The following RALYL variants were observed in gnomAD, a reference collection of about 807,000 sequenced individuals.
The protein encoded by RALYL is RNA-binding Raly-like protein.
In RALYL, 29 loss-of-function variants were observed where a neutral mutation model predicts 35.1. The observed-to-expected ratio is 0.83, with a 90% confidence interval of 0.61 to 1.13. The LOEUF is 1.13. Ranked by LOEUF, RALYL falls within the 50% of genes most tolerant of loss-of-function variation. The pLI is 0.00. For synonymous variants in RALYL, 120 were observed against 127.6 expected, an observed-to-expected ratio of 0.94 and a Z score of 0.40; for missense variants, 359 against 360.4, an observed-to-expected ratio of 1.00 and a Z score of 0.03.
chr8:84,343,893 T>TTGTTTG lies in RALYL; in HGVS notation c.-24+159470_-24+159471insGTTTGT, dbSNP rs1563764202. ...GTTTTTTTGTTTGTTTGTTTGTTTT[T>TTGTTTG]TTTTTTAACAATTGAAAACGAAACA... On this transcript the variant is annotated intron_variant, in intron 1 of 8. Transcript: ENST00000521268. 4.2e-4 allele frequency among the ~76,000 whole-genome samples: 63 copies of TTGTTTG among 151,330 alleles called. 1 individual carries two copies. The highest frequency in any genetic ancestry group is 1.5e-3 in the African/African-American group (62 of 41,008).
chr8:84,775,817 A>T (rs1816708706), intron 3 of RALYL, among the ~76,000 whole-genome samples: 1 of 152,232 alleles, frequency 6.6e-6, no homozygotes, highest in South Asian at 2.1e-4. Context: ...ACTTCTGAAA[A>T]AATTATGTTC....
chr8:84,547,296 G>A (rs923133735), intron 2 of RALYL, among the ~76,000 whole-genome samples: 1 of 152,004 alleles, frequency 6.6e-6, no homozygotes, highest in East Asian at 1.9e-4. Flanking sequence ...CACTTGATAT[G>A]CTATATTTTT....
intron 3 of RALYL, among the ~76,000 whole-genome samples, chr8:84,796,172 C>A (rs1045764697): frequency 2.0e-5 from 3 of 152,170 alleles, no homozygotes; most frequent in African/African-American, 7.2e-5. Context: ...AGTGCCTGTA[C>A]AGACCAACCA....
At chr8:84,271,346 A>G (rs1227014166) in intron 1 of RALYL, among the ~76,000 whole-genome samples, 1 of 151,816 alleles carries the variant, frequency 6.6e-6, no homozygotes, top group Non-Finnish European at 1.5e-5. Context: ...ATGAGTTACA[A>G]CTACAAACCC....
intron 2 of RALYL, among the ~76,000 whole-genome samples, chr8:84,611,220 G>GT (rs113071969): frequency 6.6e-6 from 1 of 152,064 alleles, no homozygotes; most frequent in African/African-American, 2.4e-5. Context: ...ACTTTTTCCA[G>GT]TTTTTTGTGA....
Position 84,209,546 on chromosome 8 carries a change from T to C in RALYL, c.-24+25122T>C, listed in dbSNP as rs565678697. Among the ~76,000 whole-genome samples, 4 of 152,332 alleles carry C rather than the reference T, an allele frequency of 2.6e-5. No individual in the cohort carries two copies. In the East Asian group the frequency reaches 7.7e-4, roughly 29 times the overall value. ...ACTACAGGGCAATATTTTCAATAAATGATGGCTTCTTTTTTGTAACTCAGT... is the reference window on the plus strand; with the variant it reads ...ACTACAGGGCAATATTTTCAATAAACGATGGCTTCTTTTTTGTAACTCAGT... On this transcript the variant is annotated intron_variant, in intron 1 of 8. Transcript: ENST00000521268.
At chr8:84,636,729 T>G (rs1172611493) in intron 2 of RALYL, among the ~76,000 whole-genome samples, 1 of 151,918 alleles carries the variant, frequency 6.6e-6, no homozygotes, top group African/African-American at 2.4e-5. Flanking sequence ...TTAGACTGGT[T>G]TCTTTTTGAT....
chr8:84,809,681 G>GTATC (rs1046977430), intron 4 of RALYL, among the ~76,000 whole-genome samples: 1 of 151,912 alleles, frequency 6.6e-6, no homozygotes, highest in Non-Finnish European at 1.5e-5. Context: ...TCTGTTCAGG[G>GTATC]TATCTAATTC....
chr8:84,216,639 T>C, intron 1 of RALYL, among the ~76,000 whole-genome samples: 1 of 151,990 alleles, frequency 6.6e-6, no homozygotes, highest in Non-Finnish European at 1.5e-5. Flanking sequence ...ATTAAGTAAG[T>C]GTCCACCAAT....
intron 4 of RALYL, among the ~76,000 whole-genome samples, chr8:84,809,839 G>C (rs765128302): frequency 6.6e-6 from 1 of 151,856 alleles, no homozygotes; most frequent in Non-Finnish European, 1.5e-5. Flanking sequence ...CTCCTGTTTC[G>C]TTTCTTAATG....
intron 2 of RALYL, among the ~76,000 whole-genome samples, chr8:84,707,846 G>T (rs1383279561): frequency 1.3e-5 from 2 of 152,058 alleles, no homozygotes. Flanking sequence ...ACAATGGTTT[G>T]CATTCCAATG....
chr8:84,626,461 AAATC>A (rs1345439748), intron 2 of RALYL, among the ~76,000 whole-genome samples: 1 of 152,208 alleles, frequency 6.6e-6, no homozygotes, highest in East Asian at 1.9e-4. Context: ...TTTATTAAGA[AAATC>A]AATCCAGTCA....
At chr8:84,890,982 C>A (rs895848548) in intron 8 of RALYL, among the ~76,000 whole-genome samples, 16 of 151,820 alleles carry the variant, frequency 1.1e-4, no homozygotes, top group African/African-American at 3.9e-4. Context: ...CTACATATAC[C>A]ATTAAGGACT....
At chr8:84,388,921 C>A (rs901458705) in intron 1 of RALYL, among the ~76,000 whole-genome samples, 3 of 152,132 alleles carry the variant, frequency 2.0e-5, no homozygotes, top group Non-Finnish European at 4.4e-5. Context: ...CTTGCTCATG[C>A]CTATGTCCTG....
intron 1 of RALYL, among the ~76,000 whole-genome samples, chr8:84,496,338 G>A (rs1261967641): frequency 6.6e-6 from 1 of 152,122 alleles, no homozygotes; most frequent in Non-Finnish European, 1.5e-5. Flanking sequence ...GTGGTCTCAA[G>A]TTTGCAAACA....
chr8:84,386,710 A>T (rs1378067061), intron 1 of RALYL, among the ~76,000 whole-genome samples: 4 of 151,844 alleles, frequency 2.6e-5, no homozygotes, highest in African/African-American at 9.7e-5. Context: ...AAATTCATCC[A>T]TTGACTACAT....
chr8:84,427,510 C>A (rs1319426657), intron 1 of RALYL, among the ~76,000 whole-genome samples: 2 of 152,136 alleles, frequency 1.3e-5, no homozygotes, highest in Admixed American at 6.5e-5. Flanking sequence ...AAAACACTGA[C>A]CCACAGTATG....
At chr8:84,545,905 T>C (rs574961646) in intron 2 of RALYL, among the ~76,000 whole-genome samples, 182 of 152,282 alleles carry the variant, frequency 1.2e-3, no homozygotes, top group African/African-American at 4.3e-3. Flanking sequence ...ATTATTATGT[T>C]TTTCCTTGTC....
intron 1 of RALYL, among the ~76,000 whole-genome samples, chr8:84,375,078 G>A (rs1197967700): frequency 6.6e-6 from 1 of 151,592 alleles, no homozygotes; most frequent in Non-Finnish European, 1.5e-5. Context: ...ATATTTAGGG[G>A]ATACATAAGA....
Sources: allele counts gnomAD v4.1 joint callset (sites outside exome capture counted in the v4.1 genomes callset), GRCh38; gene constraint gnomAD v4.1.1; transcripts MANE v1.5; gene names NCBI Gene and HGNC (gene_info 2026-07-23, HGNC 2026-07-21).